SUMF1: variants seen among roughly 807,000 people sequenced by gnomAD.
SUMF1 encodes sulfatase modifying factor 1, also known as formylglycine-generating enzyme.
In SUMF1, 48 loss-of-function variants were observed where a neutral mutation model predicts 47.6. The ratio of observed to expected loss-of-function variants is 1.01; its 90% CI spans 0.80 to 1.28. The LOEUF (loss-of-function observed/expected upper bound fraction) is 1.28, where lower values mean the gene tolerates loss of function less well. Among genes scored for constraint, SUMF1 ranks in the 50% most tolerant of loss-of-function variants. SUMF1 has a pLI of 0.00. For synonymous variants in SUMF1, 230 were observed against 192.1 expected, an observed-to-expected ratio of 1.20 and a Z score of -1.63; for missense variants, 571 against 485.4, an observed-to-expected ratio of 1.18 and a Z score of -1.66.
intron 1 of SUMF1, among the ~76,000 whole-genome samples, chr3:4,455,412 T>C (rs946813303): frequency 4.6e-5 from 7 of 152,022 alleles, no homozygotes; most frequent in African/African-American, 1.7e-4. Context: ...ATAAGGAAAC[T>C]GAATAAATAA....
At chr3:4,419,602 C>T (rs1186239815) in intron 4 of SUMF1, among the ~76,000 whole-genome samples, 1 of 152,134 alleles carries the variant, frequency 6.6e-6, no homozygotes, top group Non-Finnish European at 1.5e-5. Flanking sequence ...ATGGTGGCTT[C>T]AAAGAATTCC....
At chr3:4,379,052 C>T (rs1193167785) in intron 7 of SUMF1, among the ~76,000 whole-genome samples, 1 of 152,190 alleles carries the variant, frequency 6.6e-6, no homozygotes, top group Non-Finnish European at 1.5e-5. Flanking sequence ...TAACACAGTC[C>T]TCAATTTAGG....
At chr3:4,162,190 C>G (rs954909352) in intron 8 of SUMF1, among the ~76,000 whole-genome samples, 1 of 152,162 alleles carries the variant, frequency 6.6e-6, no homozygotes, top group Admixed American at 6.5e-5. Context: ...AGTTGCAAGA[C>G]AAAGTCCTCT....
intron 8 of SUMF1, among the ~76,000 whole-genome samples, chr3:4,179,930 G>A (rs75296704): frequency 0.34 from 51,382 of 151,978 alleles, 8,822 homozygotes; most frequent in East Asian, 0.4. Flanking sequence ...GCAGCCAAAA[G>A]ACACATGAAA....
At chr3:4,312,879 G>A in intron 8 of SUMF1, 4 of 1,592,784 alleles carry the variant, frequency 2.5e-6, no homozygotes, top group Non-Finnish European at 2.6e-6. Flanking sequence ...CTGACTTACA[G>A]TGTGTATATT....
At chr3:4,411,025 TA>T (rs747025289) in intron 6 of SUMF1, 47 bp from the exon 7 acceptor site, 3 of 1,463,020 alleles carry the variant, frequency 2.1e-6, no homozygotes, top group Admixed American at 1.7e-5. Context: ...TCACCTGGTT[TA>T]AAAAACATCT....
intron 8 of SUMF1, among the ~76,000 whole-genome samples, chr3:4,180,436 T>C (rs1212765220): frequency 6.6e-6 from 1 of 150,966 alleles, no homozygotes; most frequent in Non-Finnish European, 1.5e-5. Flanking sequence ...CAGCAAACCA[T>C]CACAAGGACA....
chr3:4,290,000 G>C (rs1269566761), intron 8 of SUMF1, among the ~76,000 whole-genome samples: 1 of 152,190 alleles, frequency 6.6e-6, no homozygotes, highest in Non-Finnish European at 1.5e-5. Flanking sequence ...ATGAGATCCA[G>C]GTATAAGGCA....
At chr3:4,073,130 G>A (rs186709300) in intron 8 of SUMF1, among the ~76,000 whole-genome samples, 122 of 152,294 alleles carry the variant, frequency 8.0e-4, no homozygotes, top group African/African-American at 2.1e-3. Flanking sequence ...GACTAACAGC[G>A]GATCTCTCTG....
At chr3:4,173,760 T>A (rs1454545673) in intron 8 of SUMF1, among the ~76,000 whole-genome samples, 1 of 152,118 alleles carries the variant, frequency 6.6e-6, no homozygotes, top group Non-Finnish European at 1.5e-5. Flanking sequence ...ACCATCATTT[T>A]CAGCAAACTA....
At chr3:4,251,421 T>C (rs1468299859) in intron 8 of SUMF1, among the ~76,000 whole-genome samples, 1 of 152,210 alleles carries the variant, frequency 6.6e-6, no homozygotes, top group Non-Finnish European at 1.5e-5. Flanking sequence ...CAACAAAGGA[T>C]TTGTAATATT....
intron 7 of SUMF1, among the ~76,000 whole-genome samples, chr3:4,407,306 T>G (rs1279482856): frequency 6.6e-6 from 1 of 152,244 alleles, no homozygotes; most frequent in Non-Finnish European, 1.5e-5. Flanking sequence ...GAATAGCCTT[T>G]GCATACAGGG....
chr3:4,127,488 T>C (rs1041702840), intron 8 of SUMF1, among the ~76,000 whole-genome samples: 2 of 151,816 alleles, frequency 1.3e-5, no homozygotes, highest in African/African-American at 4.8e-5. Context: ...GGCAGAAAAA[T>C]GTGAAAAGAG....
chr3:4,320,101 CAT>C (rs952798142), intron 8 of SUMF1, among the ~76,000 whole-genome samples: 2 of 152,104 alleles, frequency 1.3e-5, no homozygotes, highest in Non-Finnish European at 2.9e-5. Context: ...TTTGTGAAAA[CAT>C]ATAGAACTTT....
chr3:4,397,221 T>C (rs1701067481), intron 7 of SUMF1, among the ~76,000 whole-genome samples: 1 of 152,228 alleles, frequency 6.6e-6, no homozygotes, highest in South Asian at 2.1e-4. Flanking sequence ...AAGCAATGCA[T>C]GTTATACAGC....
At chr3:4,188,997 C>T (rs751547307) in intron 8 of SUMF1, among the ~76,000 whole-genome samples, 25 of 152,166 alleles carry the variant, frequency 1.6e-4, no homozygotes, top group Non-Finnish European at 2.8e-4. Context: ...CCGACAAAAA[C>T]AATTTCACAT....
In SUMF1 at chr3:4,310,970, T is replaced by C. The variant is rs554035215; in HGVS notation, c.1014+65360A>G. On this transcript the variant is annotated intron_variant and NMD_transcript_variant, in intron 8 of 12. Transcript: ENST00000448413. ...TTTAAAAAGCTGAAAGTAGATTCTCTATAAAACAGCAGTCGTTGAGTTTGA... is the reference window on the plus strand; with the variant it reads ...TTTAAAAAGCTGAAAGTAGATTCTCCATAAAACAGCAGTCGTTGAGTTTGA... 3.3e-5 allele frequency among the ~76,000 whole-genome samples: 5 copies of C among 152,352 alleles called. No individual in the cohort carries two copies. The East Asian group carries it at 9.6e-4, about 29-fold the overall frequency.
chr3:4,266,169 C>T lies in SUMF1; in HGVS notation c.1014+110161G>A, dbSNP rs530958046. 7.2e-5 allele frequency among the ~76,000 whole-genome samples: 11 copies of T among 152,260 alleles called. No individual in the cohort carries two copies. In the South Asian group the frequency reaches 8.3e-4, roughly 11 times the overall value. On this transcript the variant is annotated intron_variant and NMD_transcript_variant, in intron 8 of 12. Transcript: ENST00000448413. ...AGTTTGAAGTCAGGTAGCGTGATGCCTCCAGCTTTGTTCTTTTGGCTTAGG... is the reference window on the plus strand; with the variant it reads ...AGTTTGAAGTCAGGTAGCGTGATGCTTCCAGCTTTGTTCTTTTGGCTTAGG...
At chr3:4,053,875 A>G (rs564713666) in intron 9 of SUMF1, among the ~76,000 whole-genome samples, 2 of 152,270 alleles carry the variant, frequency 1.3e-5, no homozygotes, top group Non-Finnish European at 2.9e-5. Flanking sequence ...TAAACTTAGA[A>G]AATGAAAAAC....
Sources: allele counts gnomAD v4.1 joint callset (sites outside exome capture counted in the v4.1 genomes callset), GRCh38; gene constraint gnomAD v4.1.1; transcripts MANE v1.5; gene names NCBI Gene and HGNC (gene_info 2026-07-23, HGNC 2026-07-21).